DNAH17: variants seen among roughly 807,000 people sequenced by gnomAD.
The protein encoded by DNAH17 is axonemal beta dynein heavy chain 17.
Under a neutral mutation model 485.6 loss-of-function variants are expected in DNAH17, and 376 were observed. That is an observed-to-expected ratio of 0.77 (90% CI 0.71 to 0.84). The LOEUF is 0.84. Ranked by LOEUF, DNAH17 falls within the 40% of genes least tolerant of loss-of-function variation. The probability of loss-of-function intolerance (pLI) is 0.00; values close to 1 mark genes in which losing one functional copy is unlikely to be tolerated. For synonymous variants in DNAH17, 3,031 were observed against 2,405.9 expected (o/e 1.26, Z -7.60); for missense variants, 6,370 against 5,839.3 (o/e 1.09, Z -2.96).
In DNAH17 at chr17:78,542,660, C is replaced by G. The variant is rs568403389; in HGVS notation, c.2532+1197G>C. Among the ~76,000 whole-genome samples, 61 of 152,294 alleles carry G rather than the reference C, an allele frequency of 4.0e-4. 1 individual carries two copies. Among genetic ancestry groups the G allele is most frequent in the African/African-American group, 1.4e-3 (59 of 41,568 alleles). On this transcript the variant is annotated intron_variant, in intron 17 of 80. Coordinates refer to ENST00000389840, the MANE Select transcript of DNAH17 (RefSeq NM_173628.4). ...TTCTGCATTCTCCCACTGAATGTGC[C>G]AACCATGGGGGCTCCCAGGAGGCTG...
Position 78,574,713 on chromosome 17 carries a change from C to A in DNAH17, c.345G>T (p.Glu115Asp). The change falls in exon 2 of 81, where the codon GAG becomes GAT. Residue 115 changes from glutamate (E) to aspartate (D), a missense_variant and splice_region_variant. Coordinates refer to ENST00000389840, the MANE Select transcript of DNAH17 (RefSeq NM_173628.4). ...PVDQLIAVVE[E>D]VLSSLLNQSE... ...CGGATGGCAGCCTGGACGCACTCAC[C>A]TCCTCCACCACCGCGATCAGCTGGT... 1 of 1,597,644 alleles carries A rather than the reference C, an allele frequency of 6.3e-7. No individual in the cohort carries two copies. Among genetic ancestry groups the A allele is most frequent in the Admixed American group, 1.7e-5 (1 of 59,036 alleles).
chr17:78,484,739 A>ACCCCCCAGGCCC, intron 48 of DNAH17, 129 bp downstream of exon 48: 2 of 347,796 alleles, frequency 5.8e-6, no homozygotes, highest in Non-Finnish European at 9.1e-6. Flanking sequence ...ACGTTGCAGC[A>ACCCCCCAGGCCC]CCCCCCCCAC....
chr17:78,544,309 C>G (rs994635975), intron 16 of DNAH17, among the ~76,000 whole-genome samples: 1 of 152,226 alleles, frequency 6.6e-6, no homozygotes, highest in African/African-American at 2.4e-5. Flanking sequence ...ATCTAATTCT[C>G]TCTTTAGGGG....
intron 71 of DNAH17, among the ~76,000 whole-genome samples, chr17:78,441,547 G>T (rs2087076608): frequency 6.6e-6 from 1 of 152,080 alleles, no homozygotes; most frequent in Non-Finnish European, 1.5e-5. Context: ...GCAAAGCTTT[G>T]GTGAGCCTAA....
intron 52 of DNAH17, 142 bp downstream of exon 52, chr17:78,476,430 T>G (rs1160875750): frequency 8.9e-6 from 9 of 1,009,816 alleles, no homozygotes; most frequent in Non-Finnish European, 1.3e-5. Context: ...CTTGCTGGAA[T>G]GATCGCGTGG....
At chr17:78,480,828 G>A in intron 48 of DNAH17, 42 bp from the exon 49 acceptor site, 1 of 1,456,794 alleles carries the variant, frequency 6.9e-7, no homozygotes. Flanking sequence ...CCCTGGCCTG[G>A]AGGAACCATC....
intron 27 of DNAH17, among the ~76,000 whole-genome samples, chr17:78,509,266 C>T (rs1464190960): frequency 6.6e-6 from 1 of 151,382 alleles, no homozygotes; most frequent in Admixed American, 6.6e-5. Flanking sequence ...GTGCCCGGTC[C>T]CCCGCTAATT....
intron 69 of DNAH17, among the ~76,000 whole-genome samples, chr17:78,448,097 G>A (rs983425300): frequency 5.3e-5 from 8 of 151,860 alleles, no homozygotes; most frequent in African/African-American, 1.5e-4. Flanking sequence ...GCTTGAACCC[G>A]GGAGGTGGAG....
intron 26 of DNAH17, among the ~76,000 whole-genome samples, chr17:78,512,354 TCA>T (rs1348048257): frequency 2.0e-5 from 3 of 152,102 alleles, no homozygotes; most frequent in Non-Finnish European, 2.9e-5. Flanking sequence ...AAGCCAAATT[TCA>T]CACTCACTCA....
chr17:78,544,129 G>T, intron 16 of DNAH17, 132 bp from the exon 17 acceptor site: 3 of 1,287,274 alleles, frequency 2.3e-6, no homozygotes, highest in Non-Finnish European at 3.2e-6. Context: ...AGTTCTCCAC[G>T]ATCCATGCCC....
Position 78,479,546 on chromosome 17 carries a change from G to A in DNAH17, c.7839C>T (p.Ala2613=). 3 of 1,613,694 alleles carry A rather than the reference G, an allele frequency of 1.9e-6. No homozygotes were observed. The highest frequency in any genetic ancestry group is 2.5e-6 in the Non-Finnish European group (3 of 1,179,896). The change falls in exon 50 of 81, where the codon GCC becomes GCT. Residue 2613 remains alanine (A), a synonymous_variant. Coordinates refer to ENST00000389840, the MANE Select transcript of DNAH17 (RefSeq NM_173628.4). ...IYNTILTQHL[A]FRSVSMAIQR... ...GGATAGCCATGGAGACCGAGCGGAA[G>A]GCCAGGTGCTGCGTCAGGATTGTGT...
intron 25 of DNAH17, among the ~76,000 whole-genome samples, chr17:78,523,412 C>T (rs574490528): frequency 7.2e-5 from 11 of 152,322 alleles, no homozygotes; most frequent in African/African-American, 2.6e-4. Context: ...GCGTGAGCCA[C>T]CCCGCCTGGC....
rs538350376 is a variant in DNAH17 at position 78,495,036 on chromosome 17, C to T, written c.5965G>A (p.Gly1989Ser). The T allele has an allele frequency of 1.3e-5, 21 of 1,612,120 alleles. No homozygotes were observed. The African/African-American group carries it at 2.7e-4, about 20-fold the overall frequency. Reference sequence around the variant, plus strand: ...GCCAGAAGGCGGGCTTCCAGAAAGCCCTCGGCCATGAGCATGATCTCACAT... The same window carrying T: ...GCCAGAAGGCGGGCTTCCAGAAAGCTCTCGGCCATGAGCATGATCTCACAT... ...LICEIMLMAE[G>S]FLEARLLARK... Residue 1989 changes from glycine to serine, a missense_variant, in exon 39 of 81, where the codon GGC (glycine) becomes AGC (serine). Coordinates refer to ENST00000389840, the MANE Select transcript of DNAH17 (RefSeq NM_173628.4).
rs776800336 is a variant in DNAH17, at chr17:78,480,708, G to A, written c.7728C>T (p.Ser2576=). The A allele has an allele frequency of 3.5e-5, 56 of 1,613,470 alleles. No individual in the cohort carries two copies. Among genetic ancestry groups the A allele is most frequent in the Non-Finnish European group, 4.2e-5 (49 of 1,179,802 alleles). ...YVACMNPTSG[S]FTIDSRLQRH... ...CCTGAAGCCTGGAGTCGATGGTGAAGGATCCGGAAGTGGGGTTCATGCAGG... is the reference window on the plus strand; with the variant it reads ...CCTGAAGCCTGGAGTCGATGGTGAAAGATCCGGAAGTGGGGTTCATGCAGG... The change falls in exon 49 of 81, where the codon TCC becomes TCT. Residue 2576 remains serine (S), a synonymous_variant. Coordinates refer to ENST00000389840, the MANE Select transcript of DNAH17 (RefSeq NM_173628.4).
intron 43 of DNAH17, 107 bp downstream of exon 43, chr17:78,491,336 G>A (rs890617734): frequency 9.3e-5 from 136 of 1,458,390 alleles, no homozygotes; most frequent in Middle Eastern, 2.0e-4. Context: ...CGCCACCTGC[G>A]CCAAGCCTGG....
chr17:78,437,926 G>C (rs990916500), intron 73 of DNAH17, 58 bp from the exon 74 acceptor site: 1 of 1,344,326 alleles, frequency 7.4e-7, no homozygotes, highest in Non-Finnish European at 1.0e-6. Flanking sequence ...CCCACGAGGA[G>C]AGACTGGCAC....
At chr17:78,432,566 C>G (rs951412457) in intron 75 of DNAH17, among the ~76,000 whole-genome samples, 4 of 152,226 alleles carry the variant, frequency 2.6e-5, no homozygotes, top group African/African-American at 9.6e-5. Context: ...AGCAGCGATC[C>G]TGGGAGGTCG....
Position 78,558,267 on chromosome 17 carries a change from C to T in DNAH17, c.2032-13G>A, listed in dbSNP as rs377325106. 2.7e-4 allele frequency: 429 copies of T among 1,612,334 alleles called. No individual in the cohort carries two copies. The highest frequency in any genetic ancestry group is 1.1e-3 in the Admixed American group (67 of 59,740). ...GAACTGCCACCAACTAAATGACAAA[C>T]GAAGATCAAAGAACATGTCAGCAGG... On this transcript the variant is annotated splice_polypyrimidine_tract_variant and intron_variant, in intron 13 of 80. Transcript: ENST00000389840.
chr17:78,552,035 C>T (rs1169495659), intron 15 of DNAH17, among the ~76,000 whole-genome samples: 2 of 151,792 alleles, frequency 1.3e-5, no homozygotes, highest in African/African-American at 4.8e-5. Flanking sequence ...CACTATGAGA[C>T]AGCCCTGGGA....
Sources: allele counts gnomAD v4.1 joint callset (sites outside exome capture counted in the v4.1 genomes callset), GRCh38; gene constraint gnomAD v4.1.1; transcripts MANE v1.5; gene names NCBI Gene and HGNC (gene_info 2026-07-23, HGNC 2026-07-21).